SAP130: variants seen among roughly 807,000 people sequenced by gnomAD.
SAP130 encodes the protein Sin3A associated protein 130, also known as histone deacetylase complex subunit SAP130.
Under a neutral mutation model 103.2 loss-of-function variants are expected in SAP130, and 16 were observed. That is an observed-to-expected ratio of 0.16 (90% CI 0.10 to 0.24). The LOEUF is 0.24. Among genes scored for constraint, SAP130 ranks in the 10% least tolerant of loss-of-function variants. The probability of loss-of-function intolerance (pLI) is 1.00; values close to 1 mark genes in which losing one functional copy is unlikely to be tolerated. For missense variants in SAP130, 990 were observed against 1,359.7 expected (o/e 0.73, Z 4.28); for synonymous variants, 477 against 497.0 (o/e 0.96, Z 0.53).
intron 15 of SAP130, among the ~76,000 whole-genome samples, chr2:127,970,464 C>T (rs534533865): frequency 1.4e-5 from 2 of 143,606 alleles, no homozygotes; most frequent in East Asian, 4.1e-4. Flanking sequence ...TAACTTGAAC[C>T]AGGGTGTTGG....
At chr2:127,991,885 TG>T (rs1424160811) in intron 12 of SAP130, among the ~76,000 whole-genome samples, 1 of 152,256 alleles carries the variant, frequency 6.6e-6, no homozygotes, top group African/African-American at 2.4e-5. Flanking sequence ...TCAAGTGCTC[TG>T]TGGCCACACA....
chr2:127,959,398 C>T (rs536833217), intron 15 of SAP130, among the ~76,000 whole-genome samples: 3 of 152,292 alleles, frequency 2.0e-5, no homozygotes, highest in Non-Finnish European at 2.9e-5. Context: ...GAAACAACTG[C>T]GGCCTTGGCA....
At chr2:127,958,573 G>A (rs1347820323) in intron 15 of SAP130, among the ~76,000 whole-genome samples, 1 of 151,832 alleles carries the variant, frequency 6.6e-6, no homozygotes, top group African/African-American at 2.4e-5. Flanking sequence ...GAAGACAACA[G>A]AGTAATACCT....
At chr2:127,988,448 A>T (rs1000388147) in intron 13 of SAP130, among the ~76,000 whole-genome samples, 1 of 151,744 alleles carries the variant, frequency 6.6e-6, no homozygotes, top group Admixed American at 6.6e-5. Context: ...AAAAAAAAAA[A>T]AAATCAGTGC....
intron 16 of SAP130, 28 bp from the exon 17 acceptor site, chr2:127,950,436 C>G (rs182212459): frequency 6.2e-7 from 1 of 1,610,790 alleles, no homozygotes; most frequent in Non-Finnish European, 8.5e-7. Context: ...GCACACATAT[C>G]TGTAAGAACT....
chr2:127,982,248 C>T (rs1016182659), intron 14 of SAP130, among the ~76,000 whole-genome samples: 2 of 151,548 alleles, frequency 1.3e-5, no homozygotes, highest in African/African-American at 4.9e-5. Flanking sequence ...GAAGAAATGA[C>T]GGCATGTTTA....
In SAP130 at chr2:127,999,752, T is replaced by C. The variant is rs1683419362; in HGVS notation, c.1202A>G (p.Asn401Ser). The change falls in exon 10 of 21, where the codon AAC (asparagine) becomes AGC (serine). Residue 401 changes from asparagine to serine, a missense_variant. Transcript: ENST00000643581. ...AGCAGGCCACTTACCGACTGGGATG[T>C]TTGAGGTGGTCACAGCAGTAGCATG... ...SSHATAVTTS[N>S]IPVAKVVPQQ... The C allele has an allele frequency of 6.6e-7, 1 of 1,512,204 alleles. No individual in the cohort carries two copies. Among genetic ancestry groups the C allele is most frequent in the Non-Finnish European group, 8.8e-7 (1 of 1,132,372 alleles). The allele number at this position is 1,512,204 out of a possible 1,614,324, so 93.7% of individuals were successfully genotyped here. A position where few individuals can be genotyped will look rare whatever the true frequency, so the allele number is the denominator to read the frequency against.
At chr2:127,984,423 G>A (rs904025627) in intron 14 of SAP130, among the ~76,000 whole-genome samples, 3 of 152,214 alleles carry the variant, frequency 2.0e-5, no homozygotes, top group Non-Finnish European at 4.4e-5. Flanking sequence ...CCTCAGATAT[G>A]TGCCTATCTT....
chr2:127,988,113 C>A (rs894477159), intron 13 of SAP130, among the ~76,000 whole-genome samples: 1 of 152,102 alleles, frequency 6.6e-6, no homozygotes, highest in Admixed American at 6.6e-5. Context: ...AATTCAAGGT[C>A]TACAGAACAA....
chr2:128,014,913 C>A lies in SAP130; in HGVS notation c.509G>T (p.Gly170Val). The change falls in exon 5 of 21, where the codon GGC becomes GTC. Residue 170 changes from glycine (G) to valine (V), a missense_variant and splice_region_variant. By Grantham distance (109) the Gly-to-Val change is moderately radical. Transcript: ENST00000643581. ...GATGTGATGCAGGTTACTGGGATGG[C>A]CCTGAAAGAAAGAGGATAGAACGTT... ...IPVATISGQQ[G>V]HPSNLHHIMT... The A allele has an allele frequency of 6.2e-7, 1 of 1,612,218 alleles. No individual in the cohort carries two copies. Among genetic ancestry groups the A allele is most frequent in the Non-Finnish European group, 8.5e-7 (1 of 1,178,396 alleles).
In SAP130 at chr2:128,017,715, C is replaced by A; in HGVS notation, c.313G>T (p.Ala105Ser). ...CCCTCCGAAAATGAAAGTGGCACTG[C>A]TGGCGTCAGGTGTGCTGGCGGGGCT... Reference protein sequence around the residue: ...VTAPPAHLTPAVPLSFSEGLM... With the variant: ...VTAPPAHLTPSVPLSFSEGLM... Residue 105 changes from alanine (A) to serine (S), a missense_variant, in exon 3 of 21, where the codon GCA becomes TCA. Around this residue, in one of 6 missense-constraint regions of SAP130, gnomAD observed 167 missense variants for 187.4 expected, o/e 0.89. Transcript: ENST00000643581. 6.2e-7 allele frequency: 1 copy of A among 1,614,212 alleles called. No individual in the cohort carries two copies. Among genetic ancestry groups the A allele is most frequent in the Non-Finnish European group, 8.5e-7 (1 of 1,180,034 alleles).
Position 127,996,314 on chromosome 2 carries a change from A to C in SAP130, c.1355+36T>G. ...CTGATAAAGCAGAACGATTAATGAC[A>C]CAGTGAGGCAGAATAACTGACACAC... On this transcript the variant is annotated intron_variant, in intron 11 of 20. Coordinates refer to ENST00000643581, the MANE Select transcript of SAP130 (RefSeq NM_001330301.2). The surrounding 1 kb of genome is among the most constrained non-coding windows in gnomAD (Gnocchi z 4.3). 1 of 1,531,400 alleles carries C rather than the reference A, an allele frequency of 6.5e-7. No individual in the cohort carries two copies. Among genetic ancestry groups the C allele is most frequent in the African/African-American group, 1.4e-5 (1 of 72,176 alleles). The allele number at this position is 1,531,400 out of a possible 1,614,324, so 94.9% of individuals were successfully genotyped here.
intron 12 of SAP130, among the ~76,000 whole-genome samples, chr2:127,990,270 T>C (rs1485045214): frequency 1.3e-5 from 2 of 152,026 alleles, no homozygotes; most frequent in Non-Finnish European, 2.9e-5. Context: ...ACAGTAGTTA[T>C]GAATTTCAAA....
At chr2:127,951,741 G>A (rs1679509612) in intron 16 of SAP130, among the ~76,000 whole-genome samples, 1 of 152,174 alleles carries the variant, frequency 6.6e-6, no homozygotes. Context: ...TCGCCAGAGG[G>A]AGACACACTA....
At chr2:128,013,630 T>C (rs1684556667) in intron 5 of SAP130, among the ~76,000 whole-genome samples, 1 of 152,238 alleles carries the variant, frequency 6.6e-6, no homozygotes, top group Non-Finnish European at 1.5e-5. Context: ...AGTTATGCTA[T>C]AACCAAGCAA....
At chr2:128,019,451 T>C (rs938264727) in intron 2 of SAP130, among the ~76,000 whole-genome samples, 3 of 152,198 alleles carry the variant, frequency 2.0e-5, no homozygotes, top group Admixed American at 2.0e-4. Flanking sequence ...TATTTTTTTA[T>C]GAAGAAAGAG....
chr2:128,027,625 GCCCGCCCGCCCGCCCGCCCGCGCTCC>G (rs916349129), intron 1 of SAP130, among the ~76,000 whole-genome samples: 1 of 137,966 alleles, frequency 7.2e-6, no homozygotes, highest in Non-Finnish European at 1.6e-5. Flanking sequence ...TGGGCCGGCC[GCCCGCCCGCCCGCCCGCCCGCGCTCC>G]CCCGGCCGCT....
intron 1 of SAP130, chr2:128,027,481 G>T: frequency 1.1e-6 from 1 of 936,890 alleles, no homozygotes; most frequent in Non-Finnish European, 1.3e-6. Flanking sequence ...TGAGCCAATG[G>T]CAGAGGAAGA....
At chr2:127,960,672 C>T (rs1019642591) in intron 15 of SAP130, among the ~76,000 whole-genome samples, 3 of 152,132 alleles carry the variant, frequency 2.0e-5, no homozygotes, top group Non-Finnish European at 4.4e-5. Context: ...TCACATGTTT[C>T]AAACGATATA....
Sources: gnomAD v4.1 joint callset for allele counts (sites outside exome capture counted in the v4.1 genomes callset) on GRCh38, gnomAD v4.1.1 for gene constraint, gnomAD v4.1.1 regional missense constraint, Gnocchi (gnomAD v3.1) non-coding constraint, MANE v1.5 for transcripts, NCBI Gene and HGNC (gene_info 2026-07-23, HGNC 2026-07-21) for gene names.